PCDHA1: variants seen among roughly 807,000 people sequenced by gnomAD.
PCDHA1 encodes protocadherin alpha-1.
Under a neutral mutation model 61.3 loss-of-function variants are expected in PCDHA1, and 42 were observed. The observed-to-expected ratio is 0.69, with a 90% CI of 0.54 to 0.89. PCDHA1 has a LOEUF of 0.89. Among genes scored for constraint, PCDHA1 ranks in the 40% least tolerant of loss-of-function variants. PCDHA1 has a pLI of 0.00. For synonymous variants in PCDHA1, 610 were observed against 553.8 expected (o/e 1.10, Z -1.43); for missense variants, 1,256 against 1,235.3 (o/e 1.02, Z -0.25).
At chr5:140,858,889 A>G (rs1265560651) in intron 1 of PCDHA1, 1 of 236,296 alleles carries the variant, frequency 4.2e-6, no homozygotes. Context: ...CATGTGTAGA[A>G]TATGTGTAGC....
intron 1 of PCDHA1, among the ~76,000 whole-genome samples, chr5:140,925,937 C>T (rs1244990026): frequency 1.4e-5 from 2 of 138,450 alleles, no homozygotes; most frequent in East Asian, 3.9e-4. Flanking sequence ...AGTAGAGCCT[C>T]TTGGAGAAGG....
At chr5:140,975,935 C>A (rs1351802479) in intron 1 of PCDHA1, among the ~76,000 whole-genome samples, 1 of 152,060 alleles carries the variant, frequency 6.6e-6, no homozygotes, top group Non-Finnish European at 1.5e-5. Flanking sequence ...ACCTTTGAAG[C>A]AATAGGACAT....
At position 140,844,439 on chromosome 5, in the gene PCDHA1, C is replaced by T. The variant is rs1554140649; in HGVS notation, c.2394+55755C>T. Among the ~76,000 whole-genome samples, 3 of 149,204 alleles carry T rather than the reference C, an allele frequency of 2.0e-5. 1 individual carries two copies. Among genetic ancestry groups the T allele is most frequent in the African/African-American group, 7.4e-5 (3 of 40,780 alleles). ...TGTTTTTTATTCTACATGATTTTTA[C>T]AGTTGTATTGTCGCCAACTTAACAT... On this transcript the variant is annotated intron_variant, in intron 1 of 3. Coordinates refer to ENST00000504120, the MANE Select transcript of PCDHA1 (RefSeq NM_018900.4).
At chr5:140,968,684 G>A in intron 1 of PCDHA1, 1 of 1,614,140 alleles carries the variant, frequency 6.2e-7, no homozygotes, top group Non-Finnish European at 8.5e-7. Flanking sequence ...GCTGCACACA[G>A]GAGAAATTAG....
chr5:140,990,990 A>G (rs1269528161), intron 3 of PCDHA1, among the ~76,000 whole-genome samples: 1 of 152,210 alleles, frequency 6.6e-6, no homozygotes, highest in East Asian at 1.9e-4. Flanking sequence ...GACAATAGCT[A>G]CCATTTATTG....
intron 1 of PCDHA1, chr5:140,803,683 T>C (rs560789364): frequency 1.8e-5 from 29 of 1,569,230 alleles, no homozygotes; most frequent in Middle Eastern, 1.8e-4. Context: ...TAGTTAAGTA[T>C]GAATTATGTG....
chr5:140,850,369 G>T, intron 1 of PCDHA1: 1 of 1,597,922 alleles, frequency 6.3e-7, no homozygotes, highest in Non-Finnish European at 8.6e-7. Context: ...TTCCGCGTGG[G>T]GCTGTACACG....
Position 140,874,495 on chromosome 5 carries a change from G to A in PCDHA1, c.2394+85811G>A, listed in dbSNP as rs532074473. 2.0e-5 allele frequency among the ~76,000 whole-genome samples: 3 copies of A among 152,336 alleles called. No homozygotes were observed. The South Asian group carries it at 6.2e-4, about 32-fold the overall frequency. ...AGAAAAAGCAAAAGGTTGATATCAAGTTCACATTCTCTTGACTTTAGTCAA... is the reference window on the plus strand; with the variant it reads ...AGAAAAAGCAAAAGGTTGATATCAAATTCACATTCTCTTGACTTTAGTCAA... On this transcript the variant is annotated intron_variant, in intron 1 of 3. Coordinates refer to ENST00000504120, the MANE Select transcript of PCDHA1 (RefSeq NM_018900.4).
intron 1 of PCDHA1, among the ~76,000 whole-genome samples, chr5:140,827,210 A>G (rs1178615911): frequency 1.3e-5 from 2 of 152,226 alleles, no homozygotes; most frequent in Non-Finnish European, 2.9e-5. Context: ...AGTGAGAACA[A>G]TTAAAGGAAA....
rs934191848 is a variant in PCDHA1 at position 140,866,248 on chromosome 5, C to A, written c.2394+77564C>A. 5.9e-5 allele frequency: 9 copies of A among 152,184 alleles called. 1 individual carries two copies. Among genetic ancestry groups the A allele is most frequent in the Admixed American group, 3.9e-4 (6 of 15,284 alleles). 9.4% of individuals were successfully genotyped at this position (152,184 alleles called of 1,614,324 possible). A position where few individuals can be genotyped will look rare whatever the true frequency, so the allele number is the denominator to read the frequency against. ...TAAATACTATATACCAAAAATGACACCCTTCTTTCTTTACTGTGAATAAAG... is the reference window on the plus strand; with the variant it reads ...TAAATACTATATACCAAAAATGACAACCTTCTTTCTTTACTGTGAATAAAG... On this transcript the variant is annotated intron_variant, in intron 1 of 3. Coordinates refer to ENST00000504120, the MANE Select transcript of PCDHA1 (RefSeq NM_018900.4).
intron 1 of PCDHA1, among the ~76,000 whole-genome samples, chr5:140,886,029 T>C (rs1464446627): frequency 1.3e-5 from 2 of 152,180 alleles, no homozygotes; most frequent in Non-Finnish European, 2.9e-5. Context: ...TATTCTTCAC[T>C]AAGTTTTCCC....
chr5:140,849,506 T>C, intron 1 of PCDHA1: 1 of 1,596,374 alleles, frequency 6.3e-7, no homozygotes, highest in African/African-American at 1.4e-5. Context: ...GTACACTTCT[T>C]GTGGAAGTTG....
Position 140,788,451 on chromosome 5 carries a change from C to T in PCDHA1, c.2161C>T (p.Leu721=). 6.2e-7 allele frequency: 1 copy of T among 1,614,132 alleles called. No homozygotes were observed. ...LVLTLLLYTA[L]RCSVPPTEGA... is the part of the protein sequence containing the mutation. ...GCTCACACTGCTGCTGTACACGGCG[C>T]TGCGGTGCTCAGTGCCGCCCACTGA... The change falls in exon 1 of 4, where the codon CTG becomes TTG. Residue 721 remains leucine (L), a synonymous_variant. Transcript: ENST00000504120.
chr5:140,802,544 C>T (rs374473436), intron 1 of PCDHA1: 5 of 1,614,192 alleles, frequency 3.1e-6, no homozygotes, highest in Non-Finnish European at 3.4e-6. Context: ...CCGACGTGAA[C>T]GACAATGCGC....
intron 1 of PCDHA1, among the ~76,000 whole-genome samples, chr5:140,838,075 ATAGTGTGTGT>A (rs2150283218): frequency 0.079 from 10,117 of 127,694 alleles, 686 homozygotes; most frequent in African/African-American, 0.19. Flanking sequence ...TTATATATAT[ATAGTGTGTGT>A]GTGTGTGTGT....
At chr5:140,988,942 G>C (rs1236805502) in intron 3 of PCDHA1, 1 of 152,180 alleles carries the variant, frequency 6.6e-6, no homozygotes, top group East Asian at 1.9e-4. Context: ...CTCTTAGGCT[G>C]CAGTTTCCTT....
rs2150181468 is a variant in PCDHA1 at position 140,830,125 on chromosome 5, G to A, written c.2394+41441G>A. 1.5e-5 allele frequency: 24 copies of A among 1,613,450 alleles called. No individual in the cohort carries two copies. In the East Asian group the frequency reaches 4.9e-4, roughly 33 times the overall value. On this transcript the variant is annotated intron_variant, in intron 1 of 3. Coordinates refer to ENST00000504120, the MANE Select transcript of PCDHA1 (RefSeq NM_018900.4). ...TGGAGAGTGGCCAGGCTCCAAAGGC[G>A]TCATCACGGGCGTCGGTGGGCGCCG...
At chr5:140,967,144 C>T (rs1042081336) in intron 1 of PCDHA1, 9 of 1,611,144 alleles carry the variant, frequency 5.6e-6, no homozygotes, top group Non-Finnish European at 7.6e-6. Context: ...TGCTGGCGCA[C>T]AACCCCGTGG....
intron 1 of PCDHA1, among the ~76,000 whole-genome samples, chr5:140,936,673 A>G (rs77819967): frequency 0.018 from 2,748 of 152,254 alleles, 64 homozygotes; most frequent in South Asian, 0.1. Context: ...TGGACTGTCT[A>G]TTCTGTTTCA....
Sources: gnomAD v4.1 joint callset for allele counts (sites outside exome capture counted in the v4.1 genomes callset) on GRCh38, gnomAD v4.1.1 for gene constraint, MANE v1.5 for transcripts, NCBI Gene and HGNC (gene_info 2026-07-23, HGNC 2026-07-21) for gene names.